Variants in DOCK1 observed in about 807,000 individuals in gnomAD.
DOCK1 encodes the protein dedicator of cytokinesis 1, also known as dedicator of cytokinesis protein 1.
In DOCK1, 138 loss-of-function variants were observed where a neutral mutation model predicts 262.7. The ratio of observed to expected loss-of-function variants is 0.53; its 90% CI spans 0.46 to 0.61. The LOEUF (loss-of-function observed/expected upper bound fraction) is 0.61, where lower values mean the gene tolerates loss of function less well. Ranked by LOEUF, DOCK1 falls within the 20% of genes least tolerant of loss-of-function variation. The pLI, the probability that DOCK1 is intolerant of heterozygous loss-of-function variation, is 0.00. For synonymous variants in DOCK1, 866 were observed against 867.4 expected (o/e 1.00, Z 0.03); for missense variants, 1,908 against 2,370.7 (o/e 0.80, Z 4.05).
intron 30 of DOCK1, among the ~76,000 whole-genome samples, chr10:127,340,112 G>T (rs975313105): frequency 6.6e-6 from 1 of 151,846 alleles, no homozygotes; most frequent in African/African-American, 2.4e-5. Flanking sequence ...GGCATTACAG[G>T]ATATAATTAG....
At chr10:127,090,602 C>T in intron 23 of DOCK1, among the ~76,000 whole-genome samples, 1 of 152,084 alleles carries the variant, frequency 6.6e-6, no homozygotes, top group East Asian at 1.9e-4. Context: ...CTAGGTAGTT[C>T]TAGATCATTT....
intron 10 of DOCK1, among the ~76,000 whole-genome samples, chr10:127,006,477 G>A (rs953811408): frequency 6.6e-6 from 1 of 152,218 alleles, no homozygotes; most frequent in African/African-American, 2.4e-5. Flanking sequence ...GCTGGCTGGG[G>A]GAATTTTTCC....
intron 38 of DOCK1, among the ~76,000 whole-genome samples, chr10:127,390,526 CT>C (rs1011843912): frequency 1.2e-4 from 18 of 152,042 alleles, no homozygotes; most frequent in African/African-American, 4.3e-4. Flanking sequence ...GACTGGTGTC[CT>C]TATAAGAAGG....
intron 27 of DOCK1, among the ~76,000 whole-genome samples, chr10:127,206,016 A>G (rs764055774): frequency 5.9e-5 from 9 of 152,148 alleles, no homozygotes; most frequent in Admixed American, 1.3e-4. Context: ...GATTAAGGCT[A>G]CCTTCAGATA....
chr10:127,070,022 G>A (rs1257531747), intron 23 of DOCK1, among the ~76,000 whole-genome samples: 2 of 152,060 alleles, frequency 1.3e-5, no homozygotes, highest in Admixed American at 1.3e-4. Context: ...GGTTTCTGGT[G>A]ATCCTTGGTA....
chr10:126,982,312 C>T (rs1377128209), intron 4 of DOCK1, among the ~76,000 whole-genome samples: 1 of 152,038 alleles, frequency 6.6e-6, no homozygotes, highest in Non-Finnish European at 1.5e-5. Context: ...GCTCTGAGTC[C>T]CCTTTTTTTT....
chr10:127,404,979 G>A (rs554056370), intron 40 of DOCK1, among the ~76,000 whole-genome samples: 2 of 152,272 alleles, frequency 1.3e-5, no homozygotes, highest in Admixed American at 6.5e-5. Context: ...TGTTTCACTC[G>A]GCCGAATGTC....
At chr10:127,264,269 A>G (rs1240723762) in intron 29 of DOCK1, among the ~76,000 whole-genome samples, 1 of 152,156 alleles carries the variant, frequency 6.6e-6, no homozygotes, top group Non-Finnish European at 1.5e-5. Flanking sequence ...AAGACATGAA[A>G]CCAGCATTTG....
intron 31 of DOCK1, among the ~76,000 whole-genome samples, chr10:127,344,845 T>C (rs1056206247): frequency 1.3e-5 from 2 of 152,090 alleles, no homozygotes; most frequent in African/African-American, 4.8e-5. Context: ...CACTCCAGCC[T>C]GGGCAACATG....
rs2379275 is a variant in DOCK1, at chr10:126,996,572, T to G, written c.474-176T>G. ...TTTTTTTTTTTTACTTCTCCCAAGATGACACATTTTAAGCTAAAGAAAGCA... is the reference window on the plus strand; with the variant it reads ...TTTTTTTTTTTTACTTCTCCCAAGAGGACACATTTTAAGCTAAAGAAAGCA... On this transcript the variant is annotated intron_variant, in intron 6 of 51. Transcript: ENST00000623213. Among the ~76,000 whole-genome samples, 1,621 of 147,626 alleles carry G rather than the reference T, an allele frequency of 0.011. 30 individuals carry two copies. The highest frequency in any genetic ancestry group is 0.039 in the African/African-American group (1,542 of 39,870).
At chr10:127,033,349 T>A (rs538852522) in intron 18 of DOCK1, among the ~76,000 whole-genome samples, 1 of 152,340 alleles carries the variant, frequency 6.6e-6, no homozygotes, top group Admixed American at 6.5e-5. Flanking sequence ...TGGCCGATGC[T>A]TTGAGTGCCT....
chr10:126,928,667 C>T (rs1431515409), intron 1 of DOCK1, among the ~76,000 whole-genome samples: 6 of 152,128 alleles, frequency 3.9e-5, no homozygotes, highest in African/African-American at 1.2e-4. Context: ...ATCCAATATG[C>T]GTGATGTCCT....
intron 25 of DOCK1, among the ~76,000 whole-genome samples, chr10:127,122,530 A>G (rs2049661721): frequency 1.3e-5 from 2 of 152,052 alleles, no homozygotes; most frequent in African/African-American, 4.8e-5. Flanking sequence ...TAAAGTAGAC[A>G]TCGCCCCACC....
intron 23 of DOCK1, among the ~76,000 whole-genome samples, chr10:127,102,860 C>T (rs1292477080): frequency 6.6e-6 from 1 of 152,122 alleles, no homozygotes; most frequent in East Asian, 1.9e-4. Context: ...GTACAATTTA[C>T]ATACAGTAAA....
chr10:127,119,187 G>A (rs191261024), intron 25 of DOCK1, among the ~76,000 whole-genome samples: 1 of 152,256 alleles, frequency 6.6e-6, no homozygotes, highest in African/African-American at 2.4e-5. Flanking sequence ...GGGACTACAG[G>A]CGCCTGCCAC....
chr10:127,176,599 A>C lies in DOCK1; in HGVS notation c.2847+48835A>C, dbSNP rs1355886026. Among the ~76,000 whole-genome samples, 1 of 152,164 alleles carries C rather than the reference A, an allele frequency of 6.6e-6. No individual in the cohort carries two copies. Among genetic ancestry groups the C allele is most frequent in the Admixed American group, 6.5e-5 (1 of 15,274 alleles). On this transcript the variant is annotated intron_variant, in intron 27 of 51. Transcript: ENST00000623213. The surrounding 1 kb of genome is among the most constrained non-coding windows in gnomAD (Gnocchi z 4.4). The stretch of plus-strand genomic sequence containing the variant: ...CAGCTTGAAATGCTTCTCAGATATT[A>C]AAGCCTGCTTGCTTTTCCAGGTGGG...
intron 27 of DOCK1, among the ~76,000 whole-genome samples, chr10:127,241,987 C>T (rs890458242): frequency 2.0e-5 from 3 of 152,162 alleles, no homozygotes; most frequent in Non-Finnish European, 2.9e-5. Context: ...CTGGCACCCT[C>T]CAGTTTCTGG....
intron 29 of DOCK1, among the ~76,000 whole-genome samples, chr10:127,260,772 TGC>T (rs2060009025): frequency 6.9e-6 from 1 of 144,556 alleles, no homozygotes. Flanking sequence ...TCTGTGTGTG[TGC>T]ATGTGGGTGT....
At chr10:127,010,039 A>G (rs2041313176) in intron 11 of DOCK1, among the ~76,000 whole-genome samples, 1 of 152,204 alleles carries the variant, frequency 6.6e-6, no homozygotes, top group Admixed American at 6.5e-5. Context: ...TGCGTTATTG[A>G]GCTGGGAGTC....
Sources: allele counts gnomAD v4.1 joint callset (sites outside exome capture counted in the v4.1 genomes callset), GRCh38; gene constraint gnomAD v4.1.1; non-coding constraint Gnocchi (gnomAD v3.1); transcripts MANE v1.5; gene names NCBI Gene and HGNC (gene_info 2026-07-23, HGNC 2026-07-21).